ZNF536: variants seen among roughly 807,000 people sequenced by gnomAD.
ZNF536 encodes zinc finger protein 536.
A neutral mutation model predicts 84.5 loss-of-function variants in ZNF536; 13 were observed. The observed-to-expected ratio is 0.15, with a 90% CI of 0.10 to 0.24. The LOEUF (loss-of-function observed/expected upper bound fraction) is 0.24, where lower values mean the gene tolerates loss of function less well. Among genes scored for constraint, ZNF536 ranks in the 10% least tolerant of loss-of-function variants. ZNF536 has a pLI of 1.00. For missense variants in ZNF536, 1,536 were observed against 1,747.5 expected, an observed-to-expected ratio of 0.88 and a Z score of 2.16; for synonymous variants, 811 against 742.5, an observed-to-expected ratio of 1.09 and a Z score of -1.50.
chr19:30,245,019 A>G (rs2024171222), intron 1 of ZNF536, among the ~76,000 whole-genome samples: 1 of 152,136 alleles, frequency 6.6e-6, no homozygotes, highest in African/African-American at 2.4e-5. Flanking sequence ...ACTCATGTCT[A>G]CCTAGCTGTC....
At chr19:30,629,904 A>T (rs2147226605) in intron 1 of ZNF536, among the ~76,000 whole-genome samples, 1 of 152,322 alleles carries the variant, frequency 6.6e-6, no homozygotes, top group East Asian at 1.9e-4. Context: ...CTCAGCCAGA[A>T]CCAGGTGATC....
At chr19:30,656,227 G>A (rs2049907974) in intron 1 of ZNF536, among the ~76,000 whole-genome samples, 1 of 152,040 alleles carries the variant, frequency 6.6e-6, no homozygotes, top group Non-Finnish European at 1.5e-5. Flanking sequence ...CTTCTGAATT[G>A]GGAACTACTT....
intron 1 of ZNF536, among the ~76,000 whole-genome samples, chr19:30,685,976 G>C (rs370107276): frequency 2.6e-5 from 4 of 152,234 alleles, no homozygotes; most frequent in African/African-American, 9.6e-5. Context: ...GGGTGGGGAA[G>C]ACCCCAGTCT....
chr19:30,310,704 G>C (rs751430359), intron 2 of ZNF536, among the ~76,000 whole-genome samples: 1 of 152,168 alleles, frequency 6.6e-6, no homozygotes, highest in Non-Finnish European at 1.5e-5. Flanking sequence ...ATTTGTAACC[G>C]CTCCTCGGAG....
chr19:30,536,441 C>T (rs2045084970), intron 3 of ZNF536, among the ~76,000 whole-genome samples: 3 of 152,138 alleles, frequency 2.0e-5, no homozygotes, highest in Admixed American at 6.5e-5. Flanking sequence ...AGAAATGACC[C>T]TGTTGGGCTC....
At chr19:30,558,646 T>C (rs1286193839), downstream of ZNF536, among the ~76,000 whole-genome samples, 1 of 152,148 alleles carries the variant, frequency 6.6e-6, no homozygotes, top group Non-Finnish European at 1.5e-5. Context: ...TGCCTCCTGG[T>C]GGGGAGAGAG....
At chr19:30,366,783 A>C (rs138272976) in intron 3 of ZNF536, among the ~76,000 whole-genome samples, 252 of 152,292 alleles carry the variant, frequency 1.7e-3, no homozygotes, top group African/African-American at 5.9e-3. Context: ...CAGTTGGAGG[A>C]GTCAGGCAAT....
intron 1 of ZNF536, among the ~76,000 whole-genome samples, chr19:30,578,481 T>A (rs986850710): frequency 2.0e-5 from 3 of 152,204 alleles, no homozygotes; most frequent in Admixed American, 6.5e-5. Context: ...ATGCTGGACA[T>A]CTTGGCTTTT....
chr19:30,502,286 G>A (rs1375469429), intron 2 of ZNF536, among the ~76,000 whole-genome samples: 1 of 152,184 alleles, frequency 6.6e-6, no homozygotes, highest in African/African-American at 2.4e-5. Flanking sequence ...GGACTACATT[G>A]TAACATGCAT....
At chr19:30,672,640 C>G (rs1460489752) in intron 1 of ZNF536, among the ~76,000 whole-genome samples, 1 of 152,188 alleles carries the variant, frequency 6.6e-6, no homozygotes, top group African/African-American at 2.4e-5. Flanking sequence ...GATGAGAAGC[C>G]TGGTTTAAAA....
At chr19:30,648,424 T>A (rs568358357) in intron 1 of ZNF536, among the ~76,000 whole-genome samples, 1 of 152,242 alleles carries the variant, frequency 6.6e-6, no homozygotes, top group South Asian at 2.1e-4. Context: ...GCGCTCGACC[T>A]ACATCACACC....
At chr19:30,268,779 C>T (rs1026687985) in intron 1 of ZNF536, among the ~76,000 whole-genome samples, 2 of 152,154 alleles carry the variant, frequency 1.3e-5, no homozygotes, top group African/African-American at 4.8e-5. Flanking sequence ...TGGAAAATGT[C>T]GTGGGGGTTT....
chr19:30,233,088 A>G (rs2023197598), intron 1 of ZNF536, among the ~76,000 whole-genome samples: 1 of 152,094 alleles, frequency 6.6e-6, no homozygotes, highest in Admixed American at 6.5e-5. Context: ...TGCACTAAAC[A>G]GGGGAAGACC....
intron 2 of ZNF536, among the ~76,000 whole-genome samples, chr19:30,446,494 C>G (rs2052354871): frequency 6.6e-6 from 1 of 152,038 alleles, no homozygotes; most frequent in African/African-American, 2.4e-5. Flanking sequence ...TTCTCTCCCC[C>G]TTAGCGTATT....
chr19:30,648,423 C>T (rs949953312), intron 1 of ZNF536, among the ~76,000 whole-genome samples: 1 of 152,272 alleles, frequency 6.6e-6, no homozygotes, highest in African/African-American at 2.4e-5. Context: ...GGCGCTCGAC[C>T]TACATCACAC....
intron 1 of ZNF536, among the ~76,000 whole-genome samples, chr19:30,639,351 G>T (rs924725519): frequency 1.3e-5 from 2 of 152,156 alleles, no homozygotes; most frequent in Non-Finnish European, 2.9e-5. Context: ...TATCATTTGA[G>T]CAGGTAACCA....
intron 1 of ZNF536, among the ~76,000 whole-genome samples, chr19:30,649,245 T>C (rs1321351947): frequency 1.3e-5 from 2 of 152,242 alleles, no homozygotes; most frequent in Non-Finnish European, 1.5e-5. Context: ...GAATCGGACA[T>C]TCTGTCATTT....
intron 1 of ZNF536, among the ~76,000 whole-genome samples, chr19:30,422,530 T>TA (rs1440608864): frequency 1.3e-5 from 2 of 152,214 alleles, no homozygotes; most frequent in Non-Finnish European, 2.9e-5. Flanking sequence ...GGGGGTGGCC[T>TA]ACTGTGTTCT....
intron 1 of ZNF536, among the ~76,000 whole-genome samples, chr19:30,657,133 C>T (rs1214756518): frequency 2.0e-5 from 3 of 152,098 alleles, no homozygotes; most frequent in African/African-American, 7.2e-5. Flanking sequence ...TATGTCTTGA[C>T]CACATGTAGC....
Sources: gnomAD v4.1 joint callset for allele counts (sites outside exome capture counted in the v4.1 genomes callset) on GRCh38, gnomAD v4.1.1 for gene constraint, MANE v1.5 for transcripts, NCBI Gene and HGNC (gene_info 2026-07-23, HGNC 2026-07-21) for gene names.